CNTN1: variants seen among roughly 807,000 people sequenced by gnomAD.
CNTN1 encodes the protein contactin 1, also known as contactin-1.
A neutral mutation model predicts 126.4 loss-of-function variants in CNTN1; 38 were observed. The ratio of observed to expected loss-of-function variants is 0.30; its 90% CI spans 0.23 to 0.39. The LOEUF (loss-of-function observed/expected upper bound fraction) is 0.39. Ranked by LOEUF, CNTN1 falls within the 10% of genes least tolerant of loss-of-function variation. The pLI, the probability that CNTN1 is intolerant of heterozygous loss-of-function variation, is 1.00. For missense variants in CNTN1, 1,009 were observed against 1,248.4 expected (o/e 0.81, Z 2.89); for synonymous variants, 413 against 422.6 (o/e 0.98, Z 0.28).
intron 1 of CNTN1, among the ~76,000 whole-genome samples, chr12:40,696,156 A>G (rs780034863): frequency 6.6e-5 from 10 of 152,262 alleles, no homozygotes; most frequent in Non-Finnish European, 1.0e-4. Flanking sequence ...TATTAATAAT[A>G]GAAGTGCTAT....
intron 23 of CNTN1, among the ~76,000 whole-genome samples, chr12:41,060,380 G>A (rs933394452): frequency 6.6e-6 from 1 of 152,160 alleles, no homozygotes; most frequent in African/African-American, 2.4e-5. Context: ...TGGCATAGTG[G>A]AACATGTAAA....
At chr12:40,971,488 G>A (rs1295504477) in intron 15 of CNTN1, 5 of 1,596,546 alleles carry the variant, frequency 3.1e-6, no homozygotes, top group African/African-American at 1.3e-5. Context: ...CTCCCCGTCT[G>A]TGCAAGCCTG....
intron 15 of CNTN1, among the ~76,000 whole-genome samples, chr12:40,959,471 A>G (rs540591312): frequency 6.6e-6 from 1 of 152,070 alleles, no homozygotes; most frequent in African/African-American, 2.4e-5. Context: ...GTTACACCAC[A>G]TATCTCCTAC....
chr12:40,837,421 A>ACTATCATGG (rs1942102175), intron 1 of CNTN1, among the ~76,000 whole-genome samples: 1 of 152,088 alleles, frequency 6.6e-6, no homozygotes, highest in Admixed American at 6.5e-5. Flanking sequence ...GGCCCACATC[A>ACTATCATGG]CTATCATGGA....
At chr12:40,713,220 C>CT (rs61488919) in intron 1 of CNTN1, among the ~76,000 whole-genome samples, 31,321 of 142,212 alleles carry the variant, frequency 0.22, 3,460 homozygotes, top group Middle Eastern at 0.27. Flanking sequence ...TATATCATGG[C>CT]TTTTTTTTTT....
At chr12:40,886,023 T>C (rs779848868) in intron 1 of CNTN1, among the ~76,000 whole-genome samples, 7 of 152,092 alleles carry the variant, frequency 4.6e-5, no homozygotes, top group Non-Finnish European at 8.8e-5. Flanking sequence ...AAGAAAACTA[T>C]AGTTTAGTTT....
At chr12:40,984,929 A>T (rs1947916447) in intron 16 of CNTN1, among the ~76,000 whole-genome samples, 1 of 152,134 alleles carries the variant, frequency 6.6e-6, no homozygotes, top group East Asian at 1.9e-4. Flanking sequence ...AGAAGATAGA[A>T]GAAAAAATAA....
chr12:40,800,386 G>A lies in CNTN1; in HGVS notation c.-77+107794G>A, dbSNP rs911184433. Among the ~76,000 whole-genome samples the A allele has an allele frequency of 6.6e-5, 10 of 151,858 alleles. 1 individual carries two copies. In the South Asian group the frequency reaches 8.3e-4, roughly 13 times the overall value. On this transcript the variant is annotated intron_variant, in intron 1 of 23. Transcript: ENST00000551295. The stretch of plus-strand genomic sequence containing the variant: ...ATTACCCAGTCTTGGGTATTTCTTC[G>A]TAGTAGTGTGAGAATGGACTAATGC...
At chr12:40,726,877 T>TA (rs1269268846) in intron 1 of CNTN1, among the ~76,000 whole-genome samples, 67 of 151,244 alleles carry the variant, frequency 4.4e-4, no homozygotes, top group Admixed American at 7.9e-4. Flanking sequence ...CTAAAATACT[T>TA]ATGTTTAAAA....
At chr12:41,033,286 C>T (rs535318593) in intron 23 of CNTN1, among the ~76,000 whole-genome samples, 14 of 152,190 alleles carry the variant, frequency 9.2e-5, no homozygotes, top group Admixed American at 6.5e-4. Context: ...CTATATTATC[C>T]TTCAAAAACC....
intron 1 of CNTN1, among the ~76,000 whole-genome samples, chr12:40,741,598 A>G (rs1937947669): frequency 6.6e-6 from 1 of 152,126 alleles, no homozygotes; most frequent in South Asian, 2.1e-4. Flanking sequence ...ACCGGATATT[A>G]TAAATATCAA....
At chr12:40,749,804 T>A (rs544200608) in intron 1 of CNTN1, among the ~76,000 whole-genome samples, 29 of 96,588 alleles carry the variant, frequency 3.0e-4, no homozygotes, top group South Asian at 6.6e-4. Context: ...CAATAGGTGT[T>A]GTGCAGGGCT....
intron 4 of CNTN1, 73 bp downstream of exon 4, chr12:40,918,844 T>C: frequency 6.4e-7 from 1 of 1,553,112 alleles, no homozygotes; most frequent in Admixed American, 1.7e-5. Flanking sequence ...TATGAACTTG[T>C]ACAGATGTAA....
At chr12:40,728,623 G>A (rs1260909362) in intron 1 of CNTN1, among the ~76,000 whole-genome samples, 1 of 152,114 alleles carries the variant, frequency 6.6e-6, no homozygotes, top group Non-Finnish European at 1.5e-5. Flanking sequence ...CACCAACAAT[G>A]TTTACCAAAT....
chr12:40,800,964 G>GAA, intron 1 of CNTN1, among the ~76,000 whole-genome samples: 1 of 150,478 alleles, frequency 6.6e-6, no homozygotes, highest in East Asian at 2.0e-4. Context: ...AGTAAGTTTG[G>GAA]ACACAAAGTC....
chr12:40,867,662 C>A (rs1943345584), intron 1 of CNTN1, among the ~76,000 whole-genome samples: 1 of 151,986 alleles, frequency 6.6e-6, no homozygotes. Flanking sequence ...ATACTAGAAT[C>A]CTTTAGGACA....
intron 1 of CNTN1, 57 bp from the exon 2 acceptor site, chr12:40,908,300 C>T: frequency 9.5e-6 from 6 of 630,848 alleles, no homozygotes; most frequent in Middle Eastern, 2.9e-4. Flanking sequence ...TCTCCCCTTC[C>T]TTCCCCTCTC....
intron 1 of CNTN1, among the ~76,000 whole-genome samples, chr12:40,883,227 C>CT (rs1943928640): frequency 6.6e-6 from 1 of 151,556 alleles, no homozygotes; most frequent in South Asian, 2.1e-4. Context: ...TCAAGCAATG[C>CT]TTTTTTAAGT....
At chr12:40,925,519 C>A (rs1945612588) in intron 6 of CNTN1, among the ~76,000 whole-genome samples, 2 of 130,708 alleles carry the variant, frequency 1.5e-5, no homozygotes, top group South Asian at 4.8e-4. Flanking sequence ...GTTATATATT[C>A]CACATGAAAT....
Sources: allele counts gnomAD v4.1 joint callset (sites outside exome capture counted in the v4.1 genomes callset), GRCh38; gene constraint gnomAD v4.1.1; transcripts MANE v1.5; gene names NCBI Gene and HGNC (gene_info 2026-07-23, HGNC 2026-07-21).